Variants in NALF1 observed in about 807,000 individuals in gnomAD.
NALF1 encodes NALCN channel auxiliary factor 1.
In NALF1, 3 loss-of-function variants were observed where a neutral mutation model predicts 48.4. The ratio of observed to expected loss-of-function variants is 0.06; its 90% confidence interval spans 0.03 to 0.16. The LOEUF (loss-of-function observed/expected upper bound fraction) is 0.16, where lower values mean the gene tolerates loss of function less well. Among genes scored for constraint, NALF1 ranks in the 10% least tolerant of loss-of-function variants. The pLI, the probability that NALF1 is intolerant of heterozygous loss-of-function variation, is 1.00. For missense variants in NALF1, 526 were observed against 571.5 expected, an observed-to-expected ratio of 0.92 and a Z score of 0.81; for synonymous variants, 262 against 245.7, an observed-to-expected ratio of 1.07 and a Z score of -0.62.
At chr13:107,772,993 C>A (rs1435994105) in intron 1 of NALF1, among the ~76,000 whole-genome samples, 1 of 151,940 alleles carries the variant, frequency 6.6e-6, no homozygotes, top group African/African-American at 2.4e-5. Context: ...GTTTTTTTTA[C>A]ATTTCATATT....
At chr13:107,297,976 A>G (rs1881756002) in intron 1 of NALF1, among the ~76,000 whole-genome samples, 1 of 152,194 alleles carries the variant, frequency 6.6e-6, no homozygotes, top group Non-Finnish European at 1.5e-5. Context: ...CTTACAGTAA[A>G]ACCCATCTGC....
At chr13:107,826,292 T>A (rs888721387) in intron 1 of NALF1, among the ~76,000 whole-genome samples, 1 of 148,790 alleles carries the variant, frequency 6.7e-6, no homozygotes, top group Non-Finnish European at 1.5e-5. Context: ...TTTGTGTGTG[T>A]GTGCATGTGC....
Position 107,689,636 on chromosome 13 carries a change from G to C in NALF1, c.915+176046C>G, listed in dbSNP as rs538154978. Among the ~76,000 whole-genome samples, 845 of 151,934 alleles carry C rather than the reference G, an allele frequency of 5.6e-3. 4 individuals carry two copies. The highest frequency in any genetic ancestry group is 0.014 in the Middle Eastern group (4 of 294). ...CATCAGAGTCATGGCAGATATTTTT[G>C]GAAAAAAATATAATTGGGGGATTTT... On this transcript the variant is annotated intron_variant, in intron 1 of 2. Coordinates refer to ENST00000375915, the MANE Select transcript of NALF1 (RefSeq NM_001080396.3).
intron 1 of NALF1, among the ~76,000 whole-genome samples, chr13:107,430,426 G>T (rs575620432): frequency 6.6e-6 from 1 of 152,064 alleles, no homozygotes; most frequent in South Asian, 2.1e-4. Context: ...ATCTCCTAAT[G>T]CTATCCCTTC....
chr13:107,534,369 T>C lies in NALF1; in HGVS notation c.916-323614A>G, dbSNP rs114202466. ...AACATTTTCCTCTAAGAAAAACTAT[T>C]TGTAATTCAGTTAAAAAAAGAACAA... is the stretch of plus-strand genomic sequence containing the variant. On this transcript the variant is annotated intron_variant, in intron 1 of 2. Transcript: ENST00000375915. Among the ~76,000 whole-genome samples the C allele has an allele frequency of 4.4e-3, 672 of 152,276 alleles. 3 individuals carry two copies. The highest frequency in any genetic ancestry group is 0.015 in the African/African-American group (643 of 41,556).
At chr13:107,582,263 A>T (rs1051476694) in intron 1 of NALF1, among the ~76,000 whole-genome samples, 3 of 152,230 alleles carry the variant, frequency 2.0e-5, no homozygotes, top group African/African-American at 7.2e-5. Flanking sequence ...AGAAGCCTGG[A>T]TAAGGCATGG....
At chr13:107,609,183 A>G (rs1879155679) in intron 1 of NALF1, among the ~76,000 whole-genome samples, 2 of 152,098 alleles carry the variant, frequency 1.3e-5, no homozygotes, top group Non-Finnish European at 2.9e-5. Context: ...TAGCTCCCCT[A>G]TCCTGGGCTA....
rs992953538 is a variant in NALF1 at position 107,812,649 on chromosome 13, G to T, written c.915+53033C>A. On this transcript the variant is annotated intron_variant, in intron 1 of 2. Transcript: ENST00000375915. The stretch of plus-strand genomic sequence containing the variant: ...TTAGCATGTAAAACTTCTTATGATT[G>T]TAAGTAGTTAATATTTATTTGTATT... Among the ~76,000 whole-genome samples the T allele has an allele frequency of 3.3e-5, 5 of 152,190 alleles. 1 individual carries two copies. The highest frequency in any genetic ancestry group is 1.5e-5 in the Non-Finnish European group (1 of 68,002).
chr13:107,696,731 C>T (rs576161062), intron 1 of NALF1, among the ~76,000 whole-genome samples: 15 of 152,192 alleles, frequency 9.9e-5, no homozygotes, highest in African/African-American at 2.6e-4. Context: ...TAATAAATAG[C>T]AGCTATTATT....
In NALF1 at chr13:107,489,347, T is replaced by C. The variant is rs371372567; in HGVS notation, c.916-278592A>G. Reference sequence around the variant, plus strand: ...AGGCAATCCTAAACAAGAACAAAGCTGGAGGTATCAAGTTACCCAACTTCA... The same window carrying C: ...AGGCAATCCTAAACAAGAACAAAGCCGGAGGTATCAAGTTACCCAACTTCA... On this transcript the variant is annotated intron_variant, in intron 1 of 2. Coordinates refer to ENST00000375915, the MANE Select transcript of NALF1 (RefSeq NM_001080396.3). Among the ~76,000 whole-genome samples, 24 of 152,164 alleles carry C rather than the reference T, an allele frequency of 1.6e-4. 1 individual carries two copies. The highest frequency in any genetic ancestry group is 5.5e-4 in the African/African-American group (23 of 41,522).
intron 1 of NALF1, among the ~76,000 whole-genome samples, chr13:107,536,202 G>T (rs1667364630): frequency 6.6e-6 from 1 of 152,108 alleles, no homozygotes; most frequent in Non-Finnish European, 1.5e-5. Flanking sequence ...AAAAGCAATA[G>T]CAACAAAAGC....
intron 1 of NALF1, among the ~76,000 whole-genome samples, chr13:107,338,269 T>G (rs1213097510): frequency 1.3e-5 from 2 of 152,186 alleles, no homozygotes; most frequent in African/African-American, 2.4e-5. Flanking sequence ...TAGAACCCCT[T>G]TATGTAAGAG....
rs1329568918 is a variant in NALF1, at chr13:107,503,753, T to TGTGTGTGTGTG, written c.916-292999_916-292998insCACACACACAC. 8.3e-3 allele frequency among the ~76,000 whole-genome samples: 586 copies of TGTGTGTGTGTG among 70,892 alleles called. 11 individuals are homozygous for TGTGTGTGTGTG. The highest frequency in any genetic ancestry group is 0.027 in the Middle Eastern group (4 of 146). The allele number at this position is 70,892 out of a possible 152,430, so 46.5% of individuals were successfully genotyped here. A position where few individuals can be genotyped will look rare whatever the true frequency, so the allele number is the denominator to read the frequency against. On this transcript the variant is annotated intron_variant, in intron 1 of 2. Transcript: ENST00000375915. ...GAAAATGTGTGTCTGGTGTGTGTGTTTGTGTGTGTGTGTGTGTGTGTGTGT... is the reference window on the plus strand; with the variant it reads ...GAAAATGTGTGTCTGGTGTGTGTGTTGTGTGTGTGTGTGTGTGTGTGTGTGTGTGTGTGTGT...
chr13:107,608,563 T>G (rs964793607), intron 1 of NALF1, among the ~76,000 whole-genome samples: 2 of 152,276 alleles, frequency 1.3e-5, no homozygotes, highest in Admixed American at 1.3e-4. Flanking sequence ...AACCCTAAAA[T>G]ACATACGAGT....
chr13:107,178,461 C>A (rs112613323), intron 2 of NALF1, among the ~76,000 whole-genome samples: 1 of 152,164 alleles, frequency 6.6e-6, no homozygotes, highest in Non-Finnish European at 1.5e-5. Flanking sequence ...AAGTGCTCAA[C>A]ACAATTGATC....
intron 1 of NALF1, among the ~76,000 whole-genome samples, chr13:107,426,079 T>C (rs957041270): frequency 7.9e-5 from 12 of 152,170 alleles, no homozygotes; most frequent in Non-Finnish European, 1.3e-4. Context: ...TGGCCTCCTC[T>C]TGCTCCTGGA....
chr13:107,235,773 C>A (rs1181274891), intron 1 of NALF1, among the ~76,000 whole-genome samples: 1 of 152,182 alleles, frequency 6.6e-6, no homozygotes, highest in African/African-American at 2.4e-5. Context: ...TTTTCAGGAA[C>A]ACTTTCCATC....
In NALF1 at chr13:107,340,297, C is replaced by T. The variant is rs141634077; in HGVS notation, c.916-129542G>A. Reference sequence around the variant, plus strand: ...CTGAGATTACAGGTGCCCACCAACACGCCCGGCTAATTTTTGTATGTTTAG... The same window carrying T: ...CTGAGATTACAGGTGCCCACCAACATGCCCGGCTAATTTTTGTATGTTTAG... On this transcript the variant is annotated intron_variant, in intron 1 of 2. Transcript: ENST00000375915. Among the ~76,000 whole-genome samples the T allele has an allele frequency of 4.1e-3, 623 of 151,800 alleles. 5 individuals carry two copies. The highest frequency in any genetic ancestry group is 0.013 in the African/African-American group (543 of 41,376).
intron 1 of NALF1, among the ~76,000 whole-genome samples, chr13:107,777,500 T>C (rs1486432049): frequency 2.0e-5 from 3 of 152,212 alleles, no homozygotes; most frequent in African/African-American, 7.2e-5. Flanking sequence ...CTCTTTATGA[T>C]AGTGAGTGAG....
Sources: gnomAD v4.1 joint callset for allele counts (sites outside exome capture counted in the v4.1 genomes callset) on GRCh38, gnomAD v4.1.1 for gene constraint, MANE v1.5 for transcripts, NCBI Gene and HGNC (gene_info 2026-07-23, HGNC 2026-07-21) for gene names.